The following TMX4 variants were observed in gnomAD, a reference collection of about 807,000 sequenced individuals.
TMX4 encodes thioredoxin related transmembrane protein 4.
TMX4 carries 23 observed loss-of-function variants against 33.3 expected under a neutral mutation model. The ratio of observed to expected loss-of-function variants is 0.69; its 90% CI spans 0.50 to 0.98. The LOEUF (loss-of-function observed/expected upper bound fraction) is 0.98, where lower values mean the gene tolerates loss of function less well. Among genes scored for constraint, TMX4 ranks in the 50% least tolerant of loss-of-function variants. The pLI, the probability that TMX4 is intolerant of heterozygous loss-of-function variation, is 0.00. For synonymous variants in TMX4, 164 were observed against 161.5 expected (o/e 1.02, Z -0.12); for missense variants, 399 against 448.9 (o/e 0.89, Z 1.01).
chr20:8,018,399 A>G (rs1600150599), intron 1 of TMX4, among the ~76,000 whole-genome samples: 4 of 41,806 alleles, frequency 9.6e-5, no homozygotes, highest in Non-Finnish European at 1.3e-4. Context: ...AGAGGGAGGG[A>G]GGGAGGGAGA....
chr20:8,011,993 G>GT (rs1325965653), intron 1 of TMX4, among the ~76,000 whole-genome samples: 2 of 151,934 alleles, frequency 1.3e-5, no homozygotes, highest in African/African-American at 2.4e-5. Flanking sequence ...ATAAACAAGT[G>GT]TATCAACTTT....
chr20:7,987,230 T>C (rs972791963), intron 6 of TMX4, 58 bp downstream of exon 6: 4 of 1,203,482 alleles, frequency 3.3e-6, no homozygotes, highest in East Asian at 5.0e-5. Context: ...CTGCCTTTTA[T>C]TTGTACATGA....
intron 2 of TMX4, among the ~76,000 whole-genome samples, chr20:8,005,839 G>A (rs905108253): frequency 2.6e-5 from 4 of 152,168 alleles, no homozygotes; most frequent in African/African-American, 9.7e-5. Context: ...CCCAACTCCA[G>A]GGGAAAACCA....
intron 2 of TMX4, among the ~76,000 whole-genome samples, chr20:8,007,012 T>C (rs1313027041): frequency 2.0e-5 from 3 of 152,098 alleles, no homozygotes; most frequent in Non-Finnish European, 4.4e-5. Flanking sequence ...GTTGATCCGC[T>C]CGCCTCGGCC....
At chr20:7,998,900 C>T (rs2050689267) in intron 4 of TMX4, among the ~76,000 whole-genome samples, 1 of 152,158 alleles carries the variant, frequency 6.6e-6, no homozygotes, top group South Asian at 2.1e-4. Flanking sequence ...TTTTTATCCA[C>T]CCTCATCCCA....
chr20:7,986,147 T>C (rs1452955290), intron 6 of TMX4, among the ~76,000 whole-genome samples: 3 of 152,146 alleles, frequency 2.0e-5, no homozygotes, highest in African/African-American at 7.2e-5. Context: ...CAAATCCCTT[T>C]AGACGGGAGC....
At position 7,980,982 on chromosome 20, in the gene TMX4, G is replaced by A. The variant is rs6086304; in HGVS notation, c.*1269C>T. 7.9e-5 allele frequency: 12 copies of A among 152,052 alleles called. No individual in the cohort carries two copies. Among genetic ancestry groups the A allele is most frequent in the Non-Finnish European group, 1.8e-4 (12 of 68,020 alleles). The allele number at this position is 152,052 out of a possible 1,614,324, so 9.4% of individuals were successfully genotyped here. A position where few individuals can be genotyped will look rare whatever the true frequency, so the allele number is the denominator to read the frequency against. ...ATAGAATCAACTTTAGGCATCTTTC[G>A]TATGCTTGGAATCGAATTTCATGAA... On this transcript the variant is annotated 3_prime_UTR_variant, in exon 8 of 8. Transcript: ENST00000246024.
intron 2 of TMX4, among the ~76,000 whole-genome samples, chr20:8,004,940 G>A (rs2050722252): frequency 6.6e-6 from 1 of 152,120 alleles, no homozygotes; most frequent in Non-Finnish European, 1.5e-5. Context: ...CTTACTAAAT[G>A]TTGTTATTAT....
intron 1 of TMX4, among the ~76,000 whole-genome samples, chr20:8,014,558 G>C (rs1403193458): frequency 6.6e-6 from 1 of 152,162 alleles, no homozygotes; most frequent in African/African-American, 2.4e-5. Flanking sequence ...TTATAATAGA[G>C]GTAGTCAAAG....
intron 2 of TMX4, among the ~76,000 whole-genome samples, chr20:8,006,486 T>G (rs139630649): frequency 1.3e-5 from 2 of 152,182 alleles, no homozygotes; most frequent in African/African-American, 4.8e-5. Flanking sequence ...GAAATTTGTA[T>G]ACAGAAATAC....
chr20:8,000,281 C>A (rs1043061514), intron 3 of TMX4, among the ~76,000 whole-genome samples: 1 of 152,122 alleles, frequency 6.6e-6, no homozygotes, highest in Non-Finnish European at 1.5e-5. Flanking sequence ...GTCATACCCC[C>A]CTTCAACCTG....
chr20:8,001,419 G>A, intron 3 of TMX4, 77 bp downstream of exon 3: 1 of 1,427,438 alleles, frequency 7.0e-7, no homozygotes, highest in Non-Finnish European at 9.6e-7. Context: ...TGGCAGTCAT[G>A]GAAGACAACT....
chr20:8,018,092 C>T (rs973657568), intron 1 of TMX4, among the ~76,000 whole-genome samples: 2 of 151,494 alleles, frequency 1.3e-5, no homozygotes, highest in Non-Finnish European at 2.9e-5. Context: ...TCCATAGGCA[C>T]CTGCTTGCAA....
intron 1 of TMX4, chr20:8,013,999 A>G (rs2050762947): frequency 6.6e-6 from 1 of 152,248 alleles, no homozygotes; most frequent in Non-Finnish European, 1.5e-5. Context: ...AAGGAAACTA[A>G]ATCAAAGTGT....
At chr20:8,010,056 T>A (rs771730644) in intron 2 of TMX4, 144 bp downstream of exon 2, 1 of 579,624 alleles carries the variant, frequency 1.7e-6, no homozygotes, top group Non-Finnish European at 3.1e-6. Flanking sequence ...GATCCAAGTA[T>A]GCAAAAAATG....
chr20:8,017,582 A>G (rs556218881), intron 1 of TMX4, among the ~76,000 whole-genome samples: 27 of 152,370 alleles, frequency 1.8e-4, no homozygotes, highest in African/African-American at 6.3e-4. Flanking sequence ...AAGGAACCAT[A>G]GAGGAGTTGA....
At position 7,977,861 on chromosome 20, in the gene TMX4, T is replaced by C. The variant is rs1306349767; in HGVS notation, c.*4390A>G. The C allele has an allele frequency of 1.3e-5, 2 of 152,172 alleles. No individual in the cohort carries two copies. The highest frequency in any genetic ancestry group is 2.9e-5 in the Non-Finnish European group (2 of 68,034). 9.4% of individuals were successfully genotyped at this position (152,172 alleles called of 1,614,324 possible). The stretch of plus-strand genomic sequence containing the variant: ...ACAGTGTCACAGTCTACATAAAGCT[T>C]TACTGAGAATAAGCCATCTGAAGGG... On this transcript the variant is annotated 3_prime_UTR_variant, in exon 8 of 8. Transcript: ENST00000246024.
chr20:8,014,824 T>C (rs2050766364), intron 1 of TMX4, among the ~76,000 whole-genome samples: 1 of 152,144 alleles, frequency 6.6e-6, no homozygotes, highest in African/African-American at 2.4e-5. Flanking sequence ...CCTACCCTCA[T>C]GTGAGTCAGG....
chr20:7,989,313 T>A (rs148780064), intron 5 of TMX4, among the ~76,000 whole-genome samples: 54 of 152,318 alleles, frequency 3.5e-4, no homozygotes, highest in African/African-American at 1.3e-3. Flanking sequence ...AAGTATCTGC[T>A]GATTTATCTT....
Sources: gnomAD v4.1 joint callset for allele counts (sites outside exome capture counted in the v4.1 genomes callset) on GRCh38, gnomAD v4.1.1 for gene constraint, MANE v1.5 for transcripts, NCBI Gene and HGNC (gene_info 2026-07-23, HGNC 2026-07-21) for gene names.